Variants in PDE3B observed in about 807,000 individuals in gnomAD.
PDE3B encodes the protein phosphodiesterase 3B.
PDE3B carries 66 observed loss-of-function variants against 116.8 expected under a neutral mutation model. The observed-to-expected ratio is 0.56, with a 90% confidence interval of 0.46 to 0.69. PDE3B has a LOEUF of 0.69. Among genes scored for constraint, PDE3B ranks in the 30% least tolerant of loss-of-function variants. The probability of loss-of-function intolerance (pLI) is 0.00; values close to 1 mark genes in which losing one functional copy is unlikely to be tolerated. For synonymous variants in PDE3B, 595 were observed against 533.6 expected, an observed-to-expected ratio of 1.12 and a Z score of -1.59; for missense variants, 1,384 against 1,368.1, an observed-to-expected ratio of 1.01 and a Z score of -0.18.
intron 1 of PDE3B, among the ~76,000 whole-genome samples, chr11:14,740,568 A>AT (rs200592358): frequency 0.016 from 2,402 of 152,120 alleles, 56 homozygotes; most frequent in African/African-American, 0.055. Context: ...GGATTCACTG[A>AT]TTTTTTGAAA....
chr11:14,867,047 T>C (rs2133996139), intron 14 of PDE3B, among the ~76,000 whole-genome samples: 1 of 151,080 alleles, frequency 6.6e-6, no homozygotes, highest in Middle Eastern at 3.4e-3. Flanking sequence ...TTTTGAATCA[T>C]TAGAGAGTTC....
intron 2 of PDE3B, chr11:14,774,924 A>T (rs1857740627): frequency 6.6e-6 from 1 of 152,012 alleles, no homozygotes; most frequent in Non-Finnish European, 1.5e-5. Context: ...CCTCCTTGTT[A>T]TTCCCCAAAC....
chr11:14,853,096 G>A (rs1555005514), intron 12 of PDE3B, among the ~76,000 whole-genome samples: 1 of 132,182 alleles, frequency 7.6e-6, no homozygotes, highest in African/African-American at 2.5e-5. Context: ...GAGAGTGTTT[G>A]CACTTTCTGT....
chr11:14,813,235 T>C (rs1158017790), intron 5 of PDE3B, among the ~76,000 whole-genome samples: 1 of 152,236 alleles, frequency 6.6e-6, no homozygotes, highest in East Asian at 1.9e-4. Flanking sequence ...CTTATAATTC[T>C]GGAGGTCAGA....
intron 1 of PDE3B, among the ~76,000 whole-genome samples, chr11:14,666,354 G>A (rs559137019): frequency 1.1e-3 from 172 of 151,184 alleles, no homozygotes; most frequent in African/African-American, 3.5e-3. Flanking sequence ...AGGCATTACC[G>A]TTCAGGACAT....
chr11:14,819,346 A>G (rs1859442760), intron 7 of PDE3B, 137 bp downstream of exon 7: 11 of 553,478 alleles, frequency 2.0e-5, no homozygotes, highest in Non-Finnish European at 3.3e-5. Context: ...CCCACTTCAC[A>G]GAGGACTTAT....
chr11:14,867,713 G>A lies in PDE3B; in HGVS notation c.3094G>A (p.Glu1032Lys). 6.2e-7 allele frequency: 1 copy of A among 1,612,476 alleles called. No individual in the cohort carries two copies. Among genetic ancestry groups the A allele is most frequent in the South Asian group, 1.1e-5 (1 of 91,028 alleles). ...AAGTGGTGATGATGAAGACGGTGAA[G>A]AATTAGATACAGAAGATGAAGAAAT... ...TESGDDEDGE[E>K]LDTEDEEMEN... is the part of the protein sequence containing the mutation. The change falls in exon 15 of 16, where the codon GAA (glutamate) becomes AAA (lysine). Residue 1032 changes from glutamate to lysine, a missense_variant. Glu to Lys is a moderately conservative substitution (Grantham distance 56). Around this residue, in one of 2 missense-constraint regions of PDE3B, gnomAD observed 428 missense variants for 561.4 expected, o/e 0.76. Coordinates refer to ENST00000282096, the MANE Select transcript of PDE3B (RefSeq NM_000922.4).
At chr11:14,670,395 G>A (rs540743914) in intron 1 of PDE3B, among the ~76,000 whole-genome samples, 1 of 152,076 alleles carries the variant, frequency 6.6e-6, no homozygotes, top group Non-Finnish European at 1.5e-5. Context: ...GTTTAGGAGG[G>A]TATTATAGGT....
At chr11:14,806,630 C>T (rs1477417283) in intron 5 of PDE3B, among the ~76,000 whole-genome samples, 5 of 151,478 alleles carry the variant, frequency 3.3e-5, no homozygotes, top group South Asian at 2.1e-4. Context: ...GAGGCCGAGG[C>T]GGGCGGATCA....
intron 1 of PDE3B, among the ~76,000 whole-genome samples, chr11:14,704,326 A>T (rs1383891114): frequency 6.6e-6 from 1 of 151,768 alleles, no homozygotes; most frequent in Non-Finnish European, 1.5e-5. Context: ...AATAATTCTA[A>T]TGTGCAGCCA....
chr11:14,693,749 G>A (rs1855118514), intron 1 of PDE3B, among the ~76,000 whole-genome samples: 1 of 151,560 alleles, frequency 6.6e-6, no homozygotes, highest in Non-Finnish European at 1.5e-5. Flanking sequence ...GGAGATAAAT[G>A]TTGTTTTCAT....
chr11:14,782,883 A>T (rs551203685), intron 2 of PDE3B, among the ~76,000 whole-genome samples: 1 of 152,254 alleles, frequency 6.6e-6, no homozygotes, highest in Non-Finnish European at 1.5e-5. Context: ...GCTAATATCC[A>T]GAATCTACAA....
At chr11:14,892,676 A>G in the PDE3B span, among the ~76,000 whole-genome samples, 2 of 152,266 alleles carry the variant, frequency 1.3e-5, no homozygotes, top group African/African-American at 2.4e-5. Flanking sequence ...CAGAATTTCC[A>G]GTAGAAAATT....
chr11:14,691,261 T>TA (rs779137002), intron 1 of PDE3B, among the ~76,000 whole-genome samples: 2 of 152,198 alleles, frequency 1.3e-5, no homozygotes, highest in African/African-American at 2.4e-5. Context: ...TATAAAGACT[T>TA]ACAATCACAT....
chr11:14,853,534 T>C (rs1158293397), intron 12 of PDE3B, among the ~76,000 whole-genome samples: 1 of 152,206 alleles, frequency 6.6e-6, no homozygotes, highest in Non-Finnish European at 1.5e-5. Flanking sequence ...TGTAAAAATC[T>C]AGGGCTTAAT....
At chr11:14,892,403 C>T in the PDE3B span, among the ~76,000 whole-genome samples, 2 of 152,180 alleles carry the variant, frequency 1.3e-5, no homozygotes, top group Non-Finnish European at 2.9e-5. Context: ...CTTTGCGGAG[C>T]GGGTGGCCGG....
chr11:14,704,920 A>C (rs1855483943), intron 1 of PDE3B, among the ~76,000 whole-genome samples: 1 of 151,714 alleles, frequency 6.6e-6, no homozygotes, highest in Admixed American at 6.6e-5. Flanking sequence ...GAAAATTAAA[A>C]GATAAGGGTT....
At chr11:14,744,337 G>A (rs1042278850) in intron 1 of PDE3B, among the ~76,000 whole-genome samples, 1 of 152,054 alleles carries the variant, frequency 6.6e-6, no homozygotes, top group Non-Finnish European at 1.5e-5. Flanking sequence ...AAGTCATTGG[G>A]ATTTTGATAG....
intron 1 of PDE3B, among the ~76,000 whole-genome samples, chr11:14,652,545 G>A (rs1853598885): frequency 6.6e-6 from 1 of 151,864 alleles, no homozygotes; most frequent in South Asian, 2.1e-4. Context: ...TTTTTATTGT[G>A]GTAAAAACCA....
Sources: allele counts gnomAD v4.1 joint callset (sites outside exome capture counted in the v4.1 genomes callset), GRCh38; gene constraint gnomAD v4.1.1; regional missense constraint gnomAD v4.1.1; transcripts MANE v1.5; gene names NCBI Gene and HGNC (gene_info 2026-07-23, HGNC 2026-07-21).